The following KAT6B variants were observed in gnomAD, a reference collection of about 807,000 sequenced individuals.
KAT6B encodes lysine acetyltransferase 6B.
A neutral mutation model predicts 187.5 loss-of-function variants in KAT6B; 10 were observed. The ratio of observed to expected loss-of-function variants is 0.05; its 90% CI spans 0.03 to 0.09. The LOEUF (loss-of-function observed/expected upper bound fraction) is 0.09. Ranked by LOEUF, KAT6B falls within the 10% of genes least tolerant of loss-of-function variation. The probability of loss-of-function intolerance (pLI) is 1.00; values close to 1 mark genes in which losing one functional copy is unlikely to be tolerated. For missense variants in KAT6B, 1,952 were observed against 2,558.9 expected, an observed-to-expected ratio of 0.76 and a Z score of 5.12; for synonymous variants, 861 against 926.8, an observed-to-expected ratio of 0.93 and a Z score of 1.29.
chr10:74,847,784 G>A (rs942603179), intron 3 of KAT6B, among the ~76,000 whole-genome samples: 1 of 151,812 alleles, frequency 6.6e-6, no homozygotes, highest in African/African-American at 2.4e-5. Context: ...ATGTAAACTC[G>A]CTAAGTAAAT....
chr10:74,830,756 ATATATATATATAT>A (rs1564892018), intron 1 of KAT6B, among the ~76,000 whole-genome samples: 1 of 25,996 alleles, frequency 3.8e-5, no homozygotes, highest in African/African-American at 2.5e-4. Flanking sequence ...ATATATATAT[ATATATATATATAT>A]TTTTTTTTTT....
intron 3 of KAT6B, among the ~76,000 whole-genome samples, chr10:74,881,613 C>T (rs932766060): frequency 1.3e-5 from 2 of 152,116 alleles, no homozygotes; most frequent in African/African-American, 2.4e-5. Flanking sequence ...TCGTGTTAAA[C>T]CCTGTGTTGC....
rs1238721219 is a variant in KAT6B, at chr10:75,020,746, G to T, written c.2794G>T (p.Gly932Cys). Residue 932 changes from glycine (G) to cysteine (C), a missense_variant, in exon 14 of 18, where the codon GGC becomes TGC. By Grantham distance (159) the Gly-to-Cys change is radical. Around this residue, in one of 9 missense-constraint regions of KAT6B, gnomAD observed 758 missense variants for 891.4 expected, o/e 0.85. Coordinates refer to ENST00000287239, the MANE Select transcript of KAT6B (RefSeq NM_012330.4). ...ISIKAISRAT[G>C]MCPHDIATTL... ...CATCAAGGCAATTAGCAGAGCGACG[G>T]GCATGTGCCCACATGACATTGCCAC... The T allele has an allele frequency of 6.2e-7, 1 of 1,614,124 alleles. No individual in the cohort carries two copies. Among genetic ancestry groups the T allele is most frequent in the Admixed American group, 1.7e-5 (1 of 60,018 alleles).
At chr10:74,890,760 A>AT (rs1294901394) in intron 3 of KAT6B, among the ~76,000 whole-genome samples, 2 of 151,658 alleles carry the variant, frequency 1.3e-5, no homozygotes, top group Admixed American at 6.6e-5. Context: ...TTGGTTACCA[A>AT]TTTTTTTTTG....
intron 3 of KAT6B, among the ~76,000 whole-genome samples, chr10:74,904,194 A>G (rs1239286215): frequency 6.6e-6 from 1 of 152,234 alleles, no homozygotes; most frequent in East Asian, 1.9e-4. Context: ...ATTACAGTGT[A>G]ACACATAACC....
intron 3 of KAT6B, among the ~76,000 whole-genome samples, chr10:74,886,191 T>C (rs1229888355): frequency 6.6e-6 from 1 of 152,208 alleles, no homozygotes; most frequent in African/African-American, 2.4e-5. Context: ...AGGTTACATT[T>C]GGCTCTGACA....
chr10:74,924,526 T>C (rs867212461), intron 3 of KAT6B, among the ~76,000 whole-genome samples: 3 of 152,190 alleles, frequency 2.0e-5, no homozygotes, highest in African/African-American at 4.8e-5. Flanking sequence ...CTAAATACCA[T>C]GTTACAAGCC....
At chr10:74,863,208 A>G (rs1236404337) in intron 3 of KAT6B, among the ~76,000 whole-genome samples, 6 of 152,254 alleles carry the variant, frequency 3.9e-5, no homozygotes, top group East Asian at 1.9e-4. Flanking sequence ...TTTTTCCTAC[A>G]TGTAAATATG....
Position 74,985,132 on chromosome 10 carries a change from A to G in KAT6B, c.2426A>G (p.Lys809Arg). 6.2e-7 allele frequency: 1 copy of G among 1,614,134 alleles called. No homozygotes were observed. The highest frequency in any genetic ancestry group is 8.5e-7 in the Non-Finnish European group (1 of 1,180,016). The change falls in exon 12 of 18, where the codon AAG becomes AGG. Residue 809 changes from lysine (K) to arginine (R), a missense_variant. Around this residue, in one of 9 missense-constraint regions of KAT6B, gnomAD observed 87 missense variants for 191.8 expected, o/e 0.45. Coordinates refer to ENST00000287239, the MANE Select transcript of KAT6B (RefSeq NM_012330.4). Reference protein sequence around the residue: ...IYCQNLCLLAKLFLDHKTLYY... With the variant: ...IYCQNLCLLARLFLDHKTLYY... Reference sequence around the variant, plus strand: ...TGCCAAAACCTTTGCTTGTTAGCCAAGCTCTTCCTGGACCACAAAACGTTG... The same window carrying G: ...TGCCAAAACCTTTGCTTGTTAGCCAGGCTCTTCCTGGACCACAAAACGTTG...
intron 3 of KAT6B, among the ~76,000 whole-genome samples, chr10:74,891,289 T>G (rs1215702425): frequency 1.3e-5 from 2 of 152,258 alleles, no homozygotes; most frequent in Non-Finnish European, 2.9e-5. Flanking sequence ...CAGTCAACTT[T>G]CTGGGCTCTG....
At chr10:74,992,225 G>A (rs777487731) in intron 13 of KAT6B, among the ~76,000 whole-genome samples, 33 of 152,220 alleles carry the variant, frequency 2.2e-4, no homozygotes, top group South Asian at 6.2e-4. Context: ...AACACGATAC[G>A]AGCAGGGAGA....
chr10:74,944,808 CAAAAAA>C (rs58164194), intron 3 of KAT6B, among the ~76,000 whole-genome samples: 1 of 32,896 alleles, frequency 3.0e-5, no homozygotes, highest in African/African-American at 1.0e-4. Context: ...GACTCCGTCT[CAAAAAA>C]AAAAAAAAAA....
chr10:74,894,087 CTCT>C (rs1265217526), intron 3 of KAT6B, among the ~76,000 whole-genome samples: 1 of 152,146 alleles, frequency 6.6e-6, no homozygotes, highest in Non-Finnish European at 1.5e-5. Flanking sequence ...ATATTTTTCT[CTCT>C]TTTTTCCCTT....
chr10:74,975,036 A>G (rs561063368), intron 7 of KAT6B, among the ~76,000 whole-genome samples: 2 of 152,372 alleles, frequency 1.3e-5, no homozygotes, highest in African/African-American at 2.4e-5. Flanking sequence ...ATACTTTAAA[A>G]AAGACATTTC....
At chr10:74,846,694 C>G (rs1842127804) in intron 3 of KAT6B, among the ~76,000 whole-genome samples, 1 of 152,194 alleles carries the variant, frequency 6.6e-6, no homozygotes, top group African/African-American at 2.4e-5. Context: ...GCCTTAGCCT[C>G]CCAAAATGCT....
At chr10:74,826,332 A>G (rs1589419132), upstream of KAT6B, among the ~76,000 whole-genome samples, 2 of 151,902 alleles carry the variant, frequency 1.3e-5, no homozygotes, top group South Asian at 4.2e-4. Context: ...GAAGAGGCGG[A>G]CCCAGCGGTC....
intron 3 of KAT6B, among the ~76,000 whole-genome samples, chr10:74,913,448 C>G (rs7072471): frequency 0.28 from 42,558 of 152,128 alleles, 10,101 homozygotes; most frequent in African/African-American, 0.63. Flanking sequence ...TTTGTTTTCT[C>G]TCTCTCTCAA....
intron 3 of KAT6B, among the ~76,000 whole-genome samples, chr10:74,892,263 G>C (rs1485353676): frequency 6.6e-6 from 1 of 152,192 alleles, no homozygotes; most frequent in African/African-American, 2.4e-5. Context: ...AGCTACTTGG[G>C]AGGCTGTGGT....
chr10:74,974,941 A>G (rs761408807), intron 7 of KAT6B, among the ~76,000 whole-genome samples: 11 of 152,220 alleles, frequency 7.2e-5, no homozygotes, highest in Non-Finnish European at 1.5e-4. Context: ...AAGTTTGCAA[A>G]TTGAATTAAA....
Sources: allele counts gnomAD v4.1 joint callset (sites outside exome capture counted in the v4.1 genomes callset), GRCh38; gene constraint gnomAD v4.1.1; regional missense constraint gnomAD v4.1.1; transcripts MANE v1.5; gene names NCBI Gene and HGNC (gene_info 2026-07-23, HGNC 2026-07-21).